Variants in PRRC2C observed in about 807,000 individuals in gnomAD.
PRRC2C encodes protein PRRC2C.
Under a neutral mutation model 317.2 loss-of-function variants are expected in PRRC2C, and 72 were observed. The observed-to-expected ratio is 0.23, with a 90% CI of 0.19 to 0.28. The LOEUF is 0.28. Ranked by LOEUF, PRRC2C falls within the 10% of genes least tolerant of loss-of-function variation. The probability of loss-of-function intolerance (pLI) is 1.00; values close to 1 mark genes in which losing one functional copy is unlikely to be tolerated. For missense variants in PRRC2C, 3,074 were observed against 3,459.7 expected, an observed-to-expected ratio of 0.89 and a Z score of 2.80; for synonymous variants, 1,296 against 1,205.9, an observed-to-expected ratio of 1.07 and a Z score of -1.55.
rs1168492681 is a variant in PRRC2C at position 171,591,763 on chromosome 1, C to T, written c.8613C>T (p.Pro2871=). Residue 2871 remains proline, a synonymous_variant, in exon 35 of 35, where the codon CCC becomes CCT. Coordinates refer to ENST00000647382, the MANE Select transcript of PRRC2C (RefSeq NM_001387844.1). ...AGGAAAAAGTAGAAGAAAAGCCACC[C>T]CCTGCACCCTCCATAGCCACCAAAC... ...VCQEKVEEKP[P]PAPSIATKPV... 7 of 1,613,430 alleles carry T rather than the reference C, an allele frequency of 4.3e-6. No homozygotes were observed. The East Asian group carries it at 8.9e-5, about 21-fold the overall frequency.
chr1:171,544,213 C>T (rs1349725456), intron 16 of PRRC2C, among the ~76,000 whole-genome samples: 3 of 152,066 alleles, frequency 2.0e-5, no homozygotes, highest in Admixed American at 6.5e-5. Flanking sequence ...ACCTCCACCC[C>T]GCTGGGTTCA....
At chr1:171,551,386 A>G (rs1680216404) in intron 18 of PRRC2C, among the ~76,000 whole-genome samples, 1 of 152,148 alleles carries the variant, frequency 6.6e-6, no homozygotes, top group Admixed American at 6.5e-5. Flanking sequence ...AGTAGATTGC[A>G]AAAATTTTCT....
At chr1:171,589,924 CT>C (rs1335655960) in intron 34 of PRRC2C, among the ~76,000 whole-genome samples, 2 of 149,334 alleles carry the variant, frequency 1.3e-5, no homozygotes, top group African/African-American at 2.5e-5. Context: ...TAGATGCACA[CT>C]TTTTTTTGGA....
intron 10 of PRRC2C, among the ~76,000 whole-genome samples, chr1:171,526,085 G>A (rs12134052): frequency 1.3e-5 from 2 of 152,114 alleles, no homozygotes; most frequent in South Asian, 4.1e-4. Context: ...TGAAAGAATA[G>A]AGGAATAGAT....
chr1:171,540,917 G>A lies in PRRC2C; in HGVS notation c.3451G>A (p.Glu1151Lys), dbSNP rs1329912878. 1.2e-6 allele frequency: 2 copies of A among 1,613,726 alleles called. No individual in the cohort carries two copies. The highest frequency in any genetic ancestry group is 3.3e-5 in the Admixed American group (2 of 59,980). Reference protein sequence around the residue: ...EKVISKDLVIERPRPDSRPAV... With the variant: ...EKVISKDLVIKRPRPDSRPAV... ...AGTCATCAGCAAAGACCTTGTTATA[G>A]AGAGGCCTCGACCAGATTCAAGACC... Residue 1151 changes from glutamate (E) to lysine (K), a missense_variant, in exon 16 of 35, where the codon GAG (glutamate) becomes AAG (lysine). By Grantham distance (56) the Glu-to-Lys change is moderately conservative. This residue lies in a region of PRRC2C where 1,320 missense variants were observed against 1,395.7 expected (regional missense o/e 0.95). Coordinates refer to ENST00000647382, the MANE Select transcript of PRRC2C (RefSeq NM_001387844.1).
intron 15 of PRRC2C, among the ~76,000 whole-genome samples, chr1:171,538,804 C>T (rs1465153760): frequency 3.9e-5 from 6 of 152,124 alleles, no homozygotes; most frequent in Admixed American, 3.3e-4. Context: ...CTTGACCTCC[C>T]AGGCTCAAGT....
intron 20 of PRRC2C, among the ~76,000 whole-genome samples, chr1:171,563,822 A>C (rs1683132413): frequency 6.6e-6 from 1 of 152,154 alleles, no homozygotes; most frequent in African/African-American, 2.4e-5. Context: ...TAGCATCATG[A>C]TTAGTCATAG....
intron 5 of PRRC2C, 49 bp from the exon 6 acceptor site, chr1:171,517,541 TC>T (rs1239234295): frequency 1.9e-6 from 3 of 1,551,512 alleles, no homozygotes; most frequent in Non-Finnish European, 2.6e-6. Flanking sequence ...TTCACTTTGT[TC>T]CATTTTCAGA....
intron 17 of PRRC2C, among the ~76,000 whole-genome samples, chr1:171,549,466 G>GTTA (rs1339183702): frequency 6.6e-6 from 1 of 152,180 alleles, no homozygotes; most frequent in Non-Finnish European, 1.5e-5. Context: ...AGAGATGGAG[G>GTTA]TTAGGTCATA....
chr1:171,592,232 TG>T lies in PRRC2C; in HGVS notation c.*387del, dbSNP rs1651582116. 1 of 166,944 alleles carries T rather than the reference TG, an allele frequency of 6.0e-6. No homozygotes were observed. Among genetic ancestry groups the T allele is most frequent in the South Asian group, 1.8e-4 (1 of 5,456 alleles). The allele number at this position is 166,944 out of a possible 1,614,324, so 10.3% of individuals were successfully genotyped here. ...GAATAGCTCAGCCTGAACAGTGTGATGGTCCCAGCTACTACATCAGATGCGG... is the reference window on the plus strand; with the variant it reads ...GAATAGCTCAGCCTGAACAGTGTGATGTCCCAGCTACTACATCAGATGCGG... On this transcript the variant is annotated 3_prime_UTR_variant, in exon 35 of 35. Coordinates refer to ENST00000647382, the MANE Select transcript of PRRC2C (RefSeq NM_001387844.1).
intron 19 of PRRC2C, among the ~76,000 whole-genome samples, chr1:171,560,255 C>G (rs1236594033): frequency 6.6e-6 from 1 of 152,122 alleles, no homozygotes; most frequent in African/African-American, 2.4e-5. Context: ...TGGAGGAATT[C>G]AAGACATCAG....
Position 171,584,426 on chromosome 1 carries a change from C to T in PRRC2C, c.7649C>T (p.Ala2550Val). 1 of 1,566,708 alleles carries T rather than the reference C, an allele frequency of 6.4e-7. No individual in the cohort carries two copies. The highest frequency in any genetic ancestry group is 8.6e-7 in the Non-Finnish European group (1 of 1,158,712). The change falls in exon 30 of 35, where the codon GCA becomes GTA. Residue 2550 changes from alanine to valine, a missense_variant. Physicochemically the swap from Ala to Val is moderately conservative, Grantham distance 64 (BLOSUM62 0). Coordinates refer to ENST00000647382, the MANE Select transcript of PRRC2C (RefSeq NM_001387844.1). ...TTAAAAAATTTTTTCTAGGCCAGAG[C>T]AAATCTTACCCAGGCCTCAAATCTT... ...LIDTHLLQAR[A>V]NLTQASNLYS...
intron 9 of PRRC2C, 103 bp from the exon 10 acceptor site, chr1:171,524,718 C>G (rs1674245919): frequency 4.2e-6 from 5 of 1,193,428 alleles, no homozygotes; most frequent in South Asian, 1.8e-5. Context: ...TACATTTCCC[C>G]CCCCAGAAAC....
chr1:171,549,291 C>G (rs1314412433), intron 17 of PRRC2C, among the ~76,000 whole-genome samples: 2 of 152,182 alleles, frequency 1.3e-5, no homozygotes. Flanking sequence ...CCCACTTTGG[C>G]CTCCCATTAT....
At position 171,537,323 on chromosome 1, in the gene PRRC2C, C is replaced by G. The variant is rs756399775; in HGVS notation, c.2354C>G (p.Ser785Cys). ...CAGATGGAAGGGTCACCGAACAGTT[C>G]TGAGTCATTTGAGCATATAGCTCGA... ...RDQMEGSPNS[S>C]ESFEHIARSA... The change falls in exon 15 of 35, where the codon TCT becomes TGT. Residue 785 changes from serine to cysteine, a missense_variant. Physicochemically the swap from Ser to Cys is moderately radical, Grantham distance 112. This residue lies in a region of PRRC2C where 1,320 missense variants were observed against 1,395.7 expected (regional missense o/e 0.95). Coordinates refer to ENST00000647382, the MANE Select transcript of PRRC2C (RefSeq NM_001387844.1). The G allele has an allele frequency of 2.4e-5, 38 of 1,600,632 alleles. No individual in the cohort carries two copies. The highest frequency in any genetic ancestry group is 3.2e-5 in the Non-Finnish European group (37 of 1,173,010).
intron 25 of PRRC2C, among the ~76,000 whole-genome samples, chr1:171,576,505 T>C (rs1250438769): frequency 6.6e-6 from 1 of 152,216 alleles, no homozygotes; most frequent in Non-Finnish European, 1.5e-5. Context: ...GTATTGACAT[T>C]TTGGGCTAGT....
In PRRC2C at chr1:171,579,470, A is replaced by G. The variant is rs1300428547; in HGVS notation, c.7272+4A>G. ...TTTCCAACCAGGTCTCTCTCAGGTA[A>G]TATCAAAGACTTCTTCCATCCTGTA... On this transcript the variant is annotated splice_donor_region_variant and intron_variant, in intron 27 of 34. Coordinates refer to ENST00000647382, the MANE Select transcript of PRRC2C (RefSeq NM_001387844.1). 1.9e-6 allele frequency: 3 copies of G among 1,612,808 alleles called. No individual in the cohort carries two copies. The highest frequency in any genetic ancestry group is 1.3e-5 in the African/African-American group (1 of 74,924).
intron 3 of PRRC2C, among the ~76,000 whole-genome samples, chr1:171,514,262 ATGTGTGTGTGTG>A (rs10531775): frequency 2.0e-5 from 3 of 148,584 alleles, no homozygotes; most frequent in African/African-American, 4.9e-5. Flanking sequence ...GTGTGTGTGT[ATGTGTGTGTGTG>A]TGTGTGTGTG....
chr1:171,592,706 T>C lies in PRRC2C; in HGVS notation c.*859T>C, dbSNP rs1651663147. 2 of 152,166 alleles carry C rather than the reference T, an allele frequency of 1.3e-5. No individual in the cohort carries two copies. Among genetic ancestry groups the C allele is most frequent in the Admixed American group, 6.5e-5 (1 of 15,278 alleles). 9.4% of individuals were successfully genotyped at this position (152,166 alleles called of 1,614,324 possible). On this transcript the variant is annotated 3_prime_UTR_variant, in exon 35 of 35. Coordinates refer to ENST00000647382, the MANE Select transcript of PRRC2C (RefSeq NM_001387844.1). ...TGAATCCCATGATTTGGGGGTTTTT[T>C]TCTTTTTTTTTTTATACCAGTTTTT... is the stretch of plus-strand genomic sequence containing the variant.
Sources: gnomAD v4.1 joint callset for allele counts (sites outside exome capture counted in the v4.1 genomes callset) on GRCh38, gnomAD v4.1.1 for gene constraint, gnomAD v4.1.1 regional missense constraint, MANE v1.5 for transcripts, NCBI Gene and HGNC (gene_info 2026-07-23, HGNC 2026-07-21) for gene names.